The following MTUS2 variants were observed in gnomAD, a reference collection of about 807,000 sequenced individuals.
MTUS2 encodes microtubule-associated tumor suppressor candidate 2.
MTUS2 carries 40 observed loss-of-function variants against 114.1 expected under a neutral mutation model. That is an observed-to-expected ratio of 0.35 (90% confidence interval 0.27 to 0.46). The LOEUF (loss-of-function observed/expected upper bound fraction) is 0.46. MTUS2 is among the 20% of genes least tolerant of loss of function. The pLI is 1.00. For synonymous variants in MTUS2, 688 were observed against 672.0 expected (o/e 1.02, Z -0.37); for missense variants, 1,679 against 1,705.4 (o/e 0.98, Z 0.27).
At chr13:29,286,172 C>T (rs949673375) in intron 6 of MTUS2, among the ~76,000 whole-genome samples, 4 of 152,168 alleles carry the variant, frequency 2.6e-5, no homozygotes, top group Non-Finnish European at 1.5e-5. Flanking sequence ...GTGATTTGCC[C>T]GCCTCAGCCT....
intron 9 of MTUS2, among the ~76,000 whole-genome samples, chr13:29,478,809 G>A (rs1209043255): frequency 6.6e-6 from 1 of 152,080 alleles, no homozygotes; most frequent in Non-Finnish European, 1.5e-5. Context: ...GAAGCCCTCG[G>A]GTAGGATAGG....
Position 29,026,243 on chromosome 13 carries a change from T to C in MTUS2, c.1545T>C (p.Asn515=). 1.2e-6 allele frequency: 2 copies of C among 1,614,002 alleles called. No individual in the cohort carries two copies. Among genetic ancestry groups the C allele is most frequent in the South Asian group, 1.1e-5 (1 of 91,088 alleles). The change falls in exon 3 of 16, where the codon AAT becomes AAC. Residue 515 remains asparagine (N), a synonymous_variant. Coordinates refer to ENST00000612955, the MANE Select transcript of MTUS2 (RefSeq NM_001033602.4). ...CTGAAAACAGGAACCTTCTAGAGAA[T>C]GCAGATAAGATTGAAAGCACCTCAG... ...SVAENRNLLE[N]ADKIESTSAR...
At chr13:29,193,917 C>A (rs970208696) in intron 5 of MTUS2, among the ~76,000 whole-genome samples, 3 of 152,092 alleles carry the variant, frequency 2.0e-5, no homozygotes, top group Non-Finnish European at 2.9e-5. Flanking sequence ...TGGAACAGAA[C>A]AGAGCCCTCA....
chr13:29,044,326 A>T (rs774550041), intron 4 of MTUS2, among the ~76,000 whole-genome samples: 27 of 152,004 alleles, frequency 1.8e-4, no homozygotes, highest in Non-Finnish European at 4.0e-4. Context: ...GGGTCTTTGT[A>T]CATAGTGTGT....
chr13:29,075,030 T>A (rs1193872965), intron 4 of MTUS2, among the ~76,000 whole-genome samples: 2 of 152,232 alleles, frequency 1.3e-5, no homozygotes, highest in Non-Finnish European at 2.9e-5. Context: ...CCCCAGCCCC[T>A]GGCAACTACT....
intron 2 of MTUS2, among the ~76,000 whole-genome samples, chr13:28,941,191 A>G (rs1882215056): frequency 6.6e-6 from 1 of 152,052 alleles, no homozygotes; most frequent in South Asian, 2.1e-4. Context: ...ACTCTTAAGC[A>G]TTTTTGAGGA....
intron 9 of MTUS2, among the ~76,000 whole-genome samples, chr13:29,460,604 CT>C (rs1879413166): frequency 1.3e-5 from 2 of 152,216 alleles, no homozygotes; most frequent in Admixed American, 1.3e-4. Context: ...CCTGTTTTTC[CT>C]TCTTAAATCA....
At chr13:29,063,006 A>G (rs1292632100) in intron 4 of MTUS2, among the ~76,000 whole-genome samples, 1 of 152,218 alleles carries the variant, frequency 6.6e-6, no homozygotes, top group Non-Finnish European at 1.5e-5. Context: ...AGGTCTGGGT[A>G]TGAAACACAA....
rs1300013043 is a variant in MTUS2, at chr13:29,281,732, A to G, written c.2673A>G (p.Pro891=). The G allele has an allele frequency of 6.2e-7, 1 of 1,610,126 alleles. No individual in the cohort carries two copies. Among genetic ancestry groups the G allele is most frequent in the South Asian group, 1.1e-5 (1 of 90,992 alleles). Residue 891 remains proline (P), a synonymous_variant, in exon 6 of 16, where the codon CCA becomes CCG. Coordinates refer to ENST00000612955, the MANE Select transcript of MTUS2 (RefSeq NM_001033602.4). ...CAACCTTTGGGAATGAAGAACAGCC[A>G]GTTCTGAAGGCATCTCTGCCTTCTA... ...TRSTFGNEEQ[P]VLKASLPSKD... is the part of the protein sequence containing the mutation.
At chr13:28,984,918 A>C (rs1231059597) in intron 2 of MTUS2, among the ~76,000 whole-genome samples, 1 of 152,240 alleles carries the variant, frequency 6.6e-6, no homozygotes, top group African/African-American at 2.4e-5. Context: ...GAGTTATAAA[A>C]ACAACCTCAC....
chr13:29,389,589 A>G (rs1387688932), intron 8 of MTUS2, among the ~76,000 whole-genome samples: 1 of 114,682 alleles, frequency 8.7e-6, no homozygotes, highest in Non-Finnish European at 1.9e-5. Context: ...GTATACGTAT[A>G]CATATGTGTG....
chr13:29,473,258 A>G (rs1880447885), intron 9 of MTUS2, among the ~76,000 whole-genome samples: 1 of 152,200 alleles, frequency 6.6e-6, no homozygotes, highest in Non-Finnish European at 1.5e-5. Context: ...CTTATTTAAG[A>G]TTTTATTACG....
chr13:29,245,500 A>G (rs1162001477), intron 5 of MTUS2, among the ~76,000 whole-genome samples: 1 of 152,198 alleles, frequency 6.6e-6, no homozygotes, highest in Non-Finnish European at 1.5e-5. Context: ...AGGGACCTTC[A>G]GCCTGAGAGC....
At chr13:28,881,431 A>G (rs1878283568) in intron 2 of MTUS2, among the ~76,000 whole-genome samples, 1 of 152,206 alleles carries the variant, frequency 6.6e-6, no homozygotes, top group African/African-American at 2.4e-5. Flanking sequence ...TAGTTCTGCA[A>G]TAAACTATGA....
intron 2 of MTUS2, among the ~76,000 whole-genome samples, chr13:28,924,064 A>G (rs1260002240): frequency 2.0e-5 from 3 of 152,128 alleles, no homozygotes; most frequent in Non-Finnish European, 4.4e-5. Flanking sequence ...TATTGTCAGT[A>G]GGATTCCAGT....
In MTUS2 at chr13:28,919,032, T is replaced by G. The variant is rs79818500; in HGVS notation, c.-243+79182T>G. On this transcript the variant is annotated intron_variant, in intron 2 of 15. Transcript: ENST00000612955. The stretch of plus-strand genomic sequence containing the variant: ...TTTCTCTTTGTGTCTTATTCTGTGT[T>G]GTAAAGTTTTTGTAGTTATTATTTT... Among the ~76,000 whole-genome samples, 321 of 152,244 alleles carry G rather than the reference T, an allele frequency of 2.1e-3. 6 individuals carry two copies. The East Asian group carries it at 0.057, about 27-fold the overall frequency.
At chr13:29,359,582 A>G (rs1384795987) in intron 8 of MTUS2, 109 bp downstream of exon 8, 2 of 1,236,362 alleles carry the variant, frequency 1.6e-6, no homozygotes, top group Admixed American at 4.7e-5. Context: ...TTTTGATCAG[A>G]GTGGAGTTTG....
chr13:29,309,531 T>C (rs1899651083), intron 6 of MTUS2, among the ~76,000 whole-genome samples: 1 of 151,264 alleles, frequency 6.6e-6, no homozygotes, highest in South Asian at 2.1e-4. Flanking sequence ...CACCATGGCA[T>C]ATGTTTACCT....
chr13:29,491,742 GGTGT>G (rs1185472611), intron 11 of MTUS2, among the ~76,000 whole-genome samples: 8 of 145,234 alleles, frequency 5.5e-5, no homozygotes, highest in Non-Finnish European at 1.1e-4. Context: ...GGGCGTGTGG[GGTGT>G]GTGTGTGCGT....
Sources: gnomAD v4.1 joint callset for allele counts (sites outside exome capture counted in the v4.1 genomes callset) on GRCh38, gnomAD v4.1.1 for gene constraint, MANE v1.5 for transcripts, NCBI Gene and HGNC (gene_info 2026-07-23, HGNC 2026-07-21) for gene names.